KDM6A: variants seen among roughly 807,000 people sequenced by gnomAD.
KDM6A encodes the protein lysine demethylase 6A, also known as lysine-specific demethylase 6A.
KDM6A carries 11 observed loss-of-function variants against 117.6 expected under a neutral mutation model. The ratio of observed to expected loss-of-function variants is 0.09; its 90% confidence interval spans 0.06 to 0.15. KDM6A has a LOEUF of 0.15. Ranked by LOEUF, KDM6A falls within the 10% of genes least tolerant of loss-of-function variation. The probability of loss-of-function intolerance (pLI) is 1.00; values close to 1 mark genes in which losing one functional copy is unlikely to be tolerated. For missense variants in KDM6A, 799 were observed against 1,077.3 expected (o/e 0.74, Z 3.62); for synonymous variants, 384 against 396.1 (o/e 0.97, Z 0.36).
At chrX:45,064,564 A>G (rs1027949689) in intron 17 of KDM6A, among the ~76,000 whole-genome samples, 1 of 112,368 alleles carries the variant, frequency 8.9e-6, no homozygotes, top group African/African-American at 3.2e-5. Context: ...CTGAATGTTT[A>G]TGTGCATAGT....
intron 2 of KDM6A, among the ~76,000 whole-genome samples, chrX:44,911,231 G>T (rs1259075784): frequency 2.7e-5 from 3 of 111,426 alleles, no homozygotes; most frequent in African/African-American, 9.8e-5. Context: ...CTTCCCGGAC[G>T]GGGCGGCTGC....
chrX:44,892,297 G>A (rs1414016600), intron 2 of KDM6A, among the ~76,000 whole-genome samples: 1 of 112,100 alleles, frequency 8.9e-6, no homozygotes, highest in African/African-American at 3.2e-5. Flanking sequence ...GGTGGCTCAC[G>A]CCTTTAATCA....
chrX:45,079,231 A>G lies in KDM6A; in HGVS notation c.3180A>G (p.Ala1060=), dbSNP rs1298480364. 3.3e-6 allele frequency: 4 copies of G among 1,206,092 alleles called. No individual in the cohort carries two copies. Among genetic ancestry groups the G allele is most frequent in the Non-Finnish European group, 4.5e-6 (4 of 891,731 alleles). ...TGAGGACACAGTTGTTGCAGCCAGC[A>G]GATGAAAACTGGGATCCCACTGGAA... ...VEVRTQLLQP[A]DENWDPTGTK... Residue 1060 remains alanine (A), a synonymous_variant, in exon 21 of 30, where the codon GCA becomes GCG. Transcript: ENST00000611820.
At chrX:44,881,321 C>T (rs1404544640) in intron 2 of KDM6A, among the ~76,000 whole-genome samples, 1 of 111,696 alleles carries the variant, frequency 9.0e-6, no homozygotes, top group Admixed American at 9.5e-5. Context: ...ATCCCAGCTA[C>T]TCGAGAGGCT....
chrX:45,035,760 C>T (rs1305239665), intron 7 of KDM6A, among the ~76,000 whole-genome samples: 2 of 108,023 alleles, frequency 1.9e-5, no homozygotes, highest in Non-Finnish European at 3.8e-5. Context: ...AGTGCAGTGG[C>T]GCGATTTTGG....
chrX:45,047,372 C>CT (rs551917538), intron 8 of KDM6A, among the ~76,000 whole-genome samples: 46 of 87,629 alleles, frequency 5.2e-4, no homozygotes, highest in South Asian at 1.6e-3. Flanking sequence ...TAGATGCTTT[C>CT]TTTTTTTTTT....
intron 2 of KDM6A, among the ~76,000 whole-genome samples, chrX:44,896,507 A>C (rs920690065): frequency 4.5e-5 from 5 of 111,851 alleles, no homozygotes; most frequent in Non-Finnish European, 9.4e-5. Context: ...GAACTAAAAA[A>C]AGATAAAAAG....
At chrX:44,926,545 T>C (rs1484801178) in intron 2 of KDM6A, among the ~76,000 whole-genome samples, 1 of 111,742 alleles carries the variant, frequency 8.9e-6, no homozygotes, top group Non-Finnish European at 1.9e-5. Flanking sequence ...TTTTATGAAA[T>C]GCATACATTT....
intron 2 of KDM6A, among the ~76,000 whole-genome samples, chrX:44,939,932 C>T (rs916032761): frequency 8.9e-6 from 1 of 112,545 alleles, no homozygotes; most frequent in Non-Finnish European, 1.9e-5. Flanking sequence ...ATATTGTTAA[C>T]ATAATTTTTA....
chrX:45,002,568 C>T lies in KDM6A; in HGVS notation c.385-8393C>T, dbSNP rs761220328. On this transcript the variant is annotated intron_variant, in intron 4 of 29. Coordinates refer to ENST00000611820, the MANE Select transcript of KDM6A (RefSeq NM_001291415.2). Reference sequence around the variant, plus strand: ...GTAAAAATGCACATTCTTATGCCTCCTTTTAATCCTTTTACCAAAGGTATA... The same window carrying T: ...GTAAAAATGCACATTCTTATGCCTCTTTTTAATCCTTTTACCAAAGGTATA... 2.2e-3 allele frequency among the ~76,000 whole-genome samples: 252 copies of T among 112,085 alleles called. 2 individuals are homozygous for T. The highest frequency in any genetic ancestry group is 3.2e-3 in the Non-Finnish European group (171 of 53,151).
chrX:45,087,806 G>C (rs2045708265), intron 25 of KDM6A, among the ~76,000 whole-genome samples: 1 of 111,285 alleles, frequency 9.0e-6, no homozygotes, highest in Non-Finnish European at 1.9e-5. Context: ...CTTGAGCGTA[G>C]GGATAATAAA....
chrX:45,075,881 G>C (rs1247211834), intron 18 of KDM6A, among the ~76,000 whole-genome samples: 2 of 111,227 alleles, frequency 1.8e-5, no homozygotes, highest in African/African-American at 6.5e-5. Context: ...TTAATGCATT[G>C]ATTGCTTTTG....
intron 2 of KDM6A, among the ~76,000 whole-genome samples, chrX:44,894,440 TTGATC>T (rs1321633041): frequency 1.8e-5 from 2 of 110,002 alleles, no homozygotes; most frequent in Non-Finnish European, 3.8e-5. Context: ...TTTTGAGGAG[TTGATC>T]TGTTTCTTTT....
intron 2 of KDM6A, among the ~76,000 whole-genome samples, chrX:44,881,447 C>CA (rs1433029615): frequency 3.6e-5 from 4 of 111,573 alleles, no homozygotes; most frequent in East Asian, 5.7e-4. Flanking sequence ...CAAAAAACAA[C>CA]AAAAAAACTG....
intron 5 of KDM6A, among the ~76,000 whole-genome samples, chrX:45,019,615 T>G (rs993134891): frequency 1.8e-5 from 2 of 111,963 alleles, no homozygotes; most frequent in African/African-American, 6.5e-5. Flanking sequence ...ATAGCCACTT[T>G]AAGGTCTGTA....
At chrX:44,938,830 A>C (rs1010721603) in intron 2 of KDM6A, among the ~76,000 whole-genome samples, 1 of 112,378 alleles carries the variant, frequency 8.9e-6, no homozygotes, top group African/African-American at 3.2e-5. Flanking sequence ...AGAAAATCCT[A>C]GGGACCTTTT....
intron 2 of KDM6A, among the ~76,000 whole-genome samples, chrX:44,960,589 T>G (rs1380518106): frequency 8.9e-6 from 1 of 111,973 alleles, no homozygotes; most frequent in Non-Finnish European, 1.9e-5. Flanking sequence ...CTGGGTTCTT[T>G]CCGTTGTTCA....
chrX:44,950,584 G>GTA (rs2037936515), intron 2 of KDM6A, among the ~76,000 whole-genome samples: 1 of 75,063 alleles, frequency 1.3e-5, no homozygotes, highest in South Asian at 4.9e-4. Flanking sequence ...CTGGGTGTGA[G>GTA]TGTGTGTGTG....
intron 4 of KDM6A, among the ~76,000 whole-genome samples, chrX:45,004,962 T>G (rs2041358434): frequency 9.0e-6 from 1 of 110,977 alleles, no homozygotes; most frequent in African/African-American, 3.3e-5. Flanking sequence ...TATCTAGTAG[T>G]GGTTTAAGCT....
Sources: allele counts gnomAD v4.1 joint callset (sites outside exome capture counted in the v4.1 genomes callset), GRCh38; gene constraint gnomAD v4.1.1; transcripts MANE v1.5; gene names NCBI Gene and HGNC (gene_info 2026-07-23, HGNC 2026-07-21).